Variants in FRYL observed in about 807,000 individuals in gnomAD.
FRYL encodes the protein protein furry homolog-like.
Under a neutral mutation model 351.2 loss-of-function variants are expected in FRYL, and 150 were observed. The ratio of observed to expected loss-of-function variants is 0.43; its 90% confidence interval spans 0.37 to 0.49. FRYL has a LOEUF of 0.49. Ranked by LOEUF, FRYL falls within the 20% of genes least tolerant of loss-of-function variation. The pLI is 0.00. For synonymous variants in FRYL, 1,153 were observed against 1,257.1 expected (o/e 0.92, Z 1.75); for missense variants, 3,036 against 3,619.3 (o/e 0.84, Z 4.13).
intron 53 of FRYL, among the ~76,000 whole-genome samples, chr4:48,525,619 TTGTATA>T (rs1725960837): frequency 6.6e-6 from 1 of 152,290 alleles, no homozygotes; most frequent in East Asian, 1.9e-4. Context: ...TGTATATGAG[TTGTATA>T]TGTATATGTA....
chr4:48,578,140 A>C (rs558225695), intron 23 of FRYL, among the ~76,000 whole-genome samples: 2 of 152,314 alleles, frequency 1.3e-5, no homozygotes, highest in East Asian at 3.9e-4. Flanking sequence ...AAAAGCTCAC[A>C]AAATGGAAAC....
At chr4:48,530,807 G>C (rs917141407) in intron 50 of FRYL, among the ~76,000 whole-genome samples, 1 of 152,096 alleles carries the variant, frequency 6.6e-6, no homozygotes, top group African/African-American at 2.4e-5. Flanking sequence ...TCAGATGTTG[G>C]TTCCTTTCTG....
intron 7 of FRYL, chr4:48,618,893 A>G (rs1750100574): frequency 6.0e-6 from 1 of 165,906 alleles, no homozygotes. Context: ...CCTCTACTAA[A>G]AGTGCACAAT....
chr4:48,757,491 T>C (rs1183886930), intron 1 of FRYL, among the ~76,000 whole-genome samples: 4 of 152,212 alleles, frequency 2.6e-5, no homozygotes, highest in African/African-American at 9.6e-5. Context: ...CCATTCACAA[T>C]TGCTTCAAAG....
intron 33 of FRYL, among the ~76,000 whole-genome samples, chr4:48,560,121 T>A (rs193132141): frequency 3.4e-4 from 52 of 151,892 alleles, no homozygotes; most frequent in African/African-American, 1.1e-3. Context: ...GGAAAGGATG[T>A]GAGGAGCAAG....
chr4:48,627,998 T>C lies in FRYL; in HGVS notation c.121-4819A>G, dbSNP rs200643509. ...GTTGGCCAGGCTGGTCTCGAATGCC[T>C]GACCTCAGGTGATCCATGCGCCTCA... On this transcript the variant is annotated intron_variant, in intron 4 of 63. Transcript: ENST00000358350. Among the ~76,000 whole-genome samples the C allele has an allele frequency of 1.7e-4, 26 of 152,314 alleles. No homozygotes were observed. The East Asian group carries it at 5.0e-3, about 29-fold the overall frequency.
At chr4:48,698,966 G>A (rs1464648039) in intron 2 of FRYL, among the ~76,000 whole-genome samples, 1 of 151,978 alleles carries the variant, frequency 6.6e-6, no homozygotes, top group African/African-American at 2.4e-5. Flanking sequence ...CAGCAGCAAC[G>A]ACTAATTACC....
chr4:48,610,886 C>T (rs1233818806), intron 7 of FRYL, among the ~76,000 whole-genome samples: 2 of 150,508 alleles, frequency 1.3e-5, no homozygotes. Context: ...GTATATATCA[C>T]AATTTGAGGA....
chr4:48,711,297 T>C (rs550784833), intron 1 of FRYL, among the ~76,000 whole-genome samples: 1 of 152,126 alleles, frequency 6.6e-6, no homozygotes, highest in African/African-American at 2.4e-5. Context: ...GGTCAGGGAG[T>C]TCCCTTTCCT....
chr4:48,582,876 T>C, intron 19 of FRYL, 142 bp from the exon 20 acceptor site: 1 of 646,858 alleles, frequency 1.5e-6, no homozygotes, highest in South Asian at 1.9e-5. Flanking sequence ...ATGATCACTT[T>C]TTCATGCTAT....
intron 3 of FRYL, chr4:48,637,037 T>C (rs1754371430): frequency 6.6e-6 from 1 of 151,982 alleles, no homozygotes; most frequent in South Asian, 2.1e-4. Context: ...AAAGTAAAAT[T>C]AGACAGCAGG....
At chr4:48,728,412 G>C (rs1770326172) in intron 1 of FRYL, among the ~76,000 whole-genome samples, 1 of 150,934 alleles carries the variant, frequency 6.6e-6, no homozygotes, top group African/African-American at 2.5e-5. Context: ...AGTGTAACAT[G>C]TGTGAAATGG....
intron 3 of FRYL, among the ~76,000 whole-genome samples, chr4:48,642,691 C>G (rs761994740): frequency 5.1e-4 from 77 of 152,078 alleles, no homozygotes; most frequent in Middle Eastern, 3.4e-3. Flanking sequence ...TTATAAAGCT[C>G]AAGAAAAATG....
rs781538503 is a variant in FRYL at position 48,543,980 on chromosome 4, G to T, written c.5419C>A (p.His1807Asn). ...QSSSEGIHLE[H>N]HLSEVALQTA... ...TGCAGAGCAACTTCACTAAGATGAT[G>T]TTCCAGATGAATTCCTTCTGTGAAT... is the stretch of plus-strand genomic sequence containing the variant. Residue 1807 changes from histidine (H) to asparagine (N), a missense_variant, in exon 44 of 64, where the codon CAT becomes AAT. Physicochemically the swap from His to Asn is moderately conservative, Grantham distance 68. Around this residue, in one of 7 missense-constraint regions of FRYL, gnomAD observed 1,987 missense variants for 2,311.7 expected, o/e 0.86. Transcript: ENST00000358350. 1 of 1,613,618 alleles carries T rather than the reference G, an allele frequency of 6.2e-7. No individual in the cohort carries two copies. Among genetic ancestry groups the T allele is most frequent in the South Asian group, 1.1e-5 (1 of 91,062 alleles).
Position 48,563,956 on chromosome 4 carries a change from G to C in FRYL, c.3588C>G (p.Phe1196Leu), listed in dbSNP as rs1053456093. 1 of 1,613,114 alleles carries C rather than the reference G, an allele frequency of 6.2e-7. No homozygotes were observed. The stretch of plus-strand genomic sequence containing the variant: ...ACCTGTATCTAAAGTACCTGTTCTG[G>C]AAAACATTAGCAATGGCTTTAAAGC... ...AGCFKAIANV[F>L]QNRDYQCDTV... is the part of the protein sequence containing the mutation. The change falls in exon 31 of 64, where the codon TTC becomes TTG. Residue 1196 changes from phenylalanine to leucine, a missense_variant. By Grantham distance (22) the Phe-to-Leu change is conservative. Coordinates refer to ENST00000358350, the MANE Select transcript of FRYL (RefSeq NM_015030.2).
intron 4 of FRYL, among the ~76,000 whole-genome samples, chr4:48,625,622 G>A (rs959125884): frequency 6.6e-6 from 1 of 152,096 alleles, no homozygotes; most frequent in Non-Finnish European, 1.5e-5. Flanking sequence ...GTATACAGGA[G>A]GATGTGCATA....
intron 2 of FRYL, among the ~76,000 whole-genome samples, chr4:48,701,113 T>C (rs1053635345): frequency 1.3e-5 from 2 of 152,164 alleles, no homozygotes; most frequent in South Asian, 4.1e-4. Context: ...CTTTAGAAAA[T>C]TGACTTTTAA....
intron 35 of FRYL, among the ~76,000 whole-genome samples, chr4:48,556,536 G>C (rs1734166881): frequency 6.6e-6 from 1 of 152,158 alleles, no homozygotes; most frequent in Non-Finnish European, 1.5e-5. Flanking sequence ...GCTCTGCCTA[G>C]CAGAAACTAG....
intron 2 of FRYL, among the ~76,000 whole-genome samples, chr4:48,692,085 A>G (rs982701169): frequency 2.6e-5 from 4 of 152,192 alleles, no homozygotes; most frequent in African/African-American, 9.6e-5. Context: ...ATAGGATACT[A>G]AAGAGAAGAA....
Sources: allele counts gnomAD v4.1 joint callset (sites outside exome capture counted in the v4.1 genomes callset), GRCh38; gene constraint gnomAD v4.1.1; regional missense constraint gnomAD v4.1.1; transcripts MANE v1.5; gene names NCBI Gene and HGNC (gene_info 2026-07-23, HGNC 2026-07-21).